The following PCDH15 variants were observed in gnomAD, a reference collection of about 807,000 sequenced individuals.
The protein encoded by PCDH15 is protocadherin related 15, also known as protocadherin-15.
In PCDH15, 129 loss-of-function variants were observed where a neutral mutation model predicts 178.5. That is an observed-to-expected ratio of 0.72 (90% CI 0.63 to 0.84). PCDH15 has a LOEUF of 0.84. Ranked by LOEUF, PCDH15 falls within the 40% of genes least tolerant of loss-of-function variation. The probability of loss-of-function intolerance (pLI) is 0.00; values close to 1 mark genes in which losing one functional copy is unlikely to be tolerated. For synonymous variants in PCDH15, 800 were observed against 732.0 expected, an observed-to-expected ratio of 1.09 and a Z score of -1.50; for missense variants, 2,230 against 2,099.9, an observed-to-expected ratio of 1.06 and a Z score of -1.21.
intron 2 of PCDH15, among the ~76,000 whole-genome samples, chr10:54,588,777 T>C (rs1892344): frequency 0.78 from 118,337 of 151,946 alleles, 46,519 homozygotes; most frequent in South Asian, 0.86. Context: ...TCTGACTATG[T>C]GGCCGGGGCT....
chr10:54,685,229 A>G (rs2094974842), intron 1 of PCDH15, among the ~76,000 whole-genome samples: 1 of 152,074 alleles, frequency 6.6e-6, no homozygotes, highest in East Asian at 1.9e-4. Flanking sequence ...TTCTTCTGGA[A>G]TATCTCTTGA....
chr10:54,041,502 C>A (rs1366320509), intron 18 of PCDH15, among the ~76,000 whole-genome samples: 1 of 151,858 alleles, frequency 6.6e-6, no homozygotes, highest in African/African-American at 2.4e-5. Context: ...AAAATAATTG[C>A]CTTTTAAAAA....
chr10:53,886,307 C>A (rs1416518639), intron 26 of PCDH15, among the ~76,000 whole-genome samples: 1 of 152,286 alleles, frequency 6.6e-6, no homozygotes, highest in Non-Finnish European at 1.5e-5. Flanking sequence ...CCTGTCCACT[C>A]CTGGTTACAC....
intron 21 of PCDH15, among the ~76,000 whole-genome samples, chr10:53,976,571 C>T (rs2939929): frequency 0.47 from 71,502 of 151,884 alleles, 17,056 homozygotes; most frequent in Middle Eastern, 0.64. Context: ...TACTCATCCA[C>T]AAACTACTCT....
intron 1 of PCDH15, among the ~76,000 whole-genome samples, chr10:55,210,613 C>CTTTTATTTTTTTTTTTTT (rs1840537199): frequency 2.8e-5 from 1 of 35,902 alleles, no homozygotes; most frequent in Non-Finnish European, 6.3e-5. Flanking sequence ...TTTCTTTTTT[C>CTTTTATTTTTTTTTTTTT]TTTTCTTTTT....
intron 2 of PCDH15, among the ~76,000 whole-genome samples, chr10:55,054,189 C>G (rs941189705): frequency 1.3e-5 from 2 of 152,124 alleles, no homozygotes; most frequent in African/African-American, 4.8e-5. Flanking sequence ...ACCCTCCACC[C>G]TCCAATAGAC....
At chr10:54,905,987 C>G (rs1391603507) in intron 2 of PCDH15, among the ~76,000 whole-genome samples, 1 of 151,948 alleles carries the variant, frequency 6.6e-6, no homozygotes, top group Non-Finnish European at 1.5e-5. Context: ...TAACAATGTA[C>G]AATTCAAAGG....
At chr10:54,504,058 C>T (rs1217824840) in intron 3 of PCDH15, among the ~76,000 whole-genome samples, 1 of 152,072 alleles carries the variant, frequency 6.6e-6, no homozygotes, top group Non-Finnish European at 1.5e-5. Flanking sequence ...TCTTGGACAG[C>T]TCACATATTC....
intron 2 of PCDH15, among the ~76,000 whole-genome samples, chr10:55,492,576 T>A (rs1198560492): frequency 1.3e-5 from 2 of 151,732 alleles, no homozygotes; most frequent in Non-Finnish European, 2.9e-5. Context: ...ACAGTAACCC[T>A]CTGGATCAGT....
At chr10:55,016,770 G>A (rs954442832) in intron 2 of PCDH15, among the ~76,000 whole-genome samples, 1 of 151,988 alleles carries the variant, frequency 6.6e-6, no homozygotes, top group African/African-American at 2.4e-5. Context: ...CCTAGCAGTG[G>A]GATTGCTGGA....
intron 2 of PCDH15, among the ~76,000 whole-genome samples, chr10:55,579,170 C>T (rs529694022): frequency 1.3e-3 from 197 of 152,112 alleles, no homozygotes; most frequent in African/African-American, 4.6e-3. Context: ...TTTAGAATTT[C>T]AAAAGAAACA....
At chr10:55,152,953 AAT>A (rs1491494044) in intron 2 of PCDH15, among the ~76,000 whole-genome samples, 9 of 148,056 alleles carry the variant, frequency 6.1e-5, no homozygotes, top group Non-Finnish European at 1.2e-4. Context: ...CACCACCATG[AAT>A]TTTTTTTTTA....
At chr10:55,067,501 T>TC (rs1841596407) in intron 2 of PCDH15, among the ~76,000 whole-genome samples, 1 of 152,130 alleles carries the variant, frequency 6.6e-6, no homozygotes, top group Non-Finnish European at 1.5e-5. Flanking sequence ...TTAGGTTGAT[T>TC]CCATATCTTT....
intron 5 of PCDH15, among the ~76,000 whole-genome samples, chr10:54,366,809 C>A (rs1027974571): frequency 6.6e-6 from 1 of 151,164 alleles, no homozygotes; most frequent in Non-Finnish European, 1.5e-5. Context: ...ATTATCAAAC[C>A]ATAGAAGATA....
intron 8 of PCDH15, among the ~76,000 whole-genome samples, chr10:54,242,144 A>T (rs1337209088): frequency 3.3e-4 from 17 of 51,622 alleles, no homozygotes; most frequent in African/African-American, 1.8e-3. Flanking sequence ...ATATATATAT[A>T]TATATATATA....
chr10:54,038,046 T>A (rs566420035), intron 18 of PCDH15, among the ~76,000 whole-genome samples: 1 of 151,952 alleles, frequency 6.6e-6, no homozygotes, highest in East Asian at 2.0e-4. Flanking sequence ...AATGTTCACA[T>A]AGAAGGAATA....
chr10:54,871,481 T>C (rs1954040007), intron 3 of PCDH15, among the ~76,000 whole-genome samples: 1 of 147,936 alleles, frequency 6.8e-6, no homozygotes, highest in Non-Finnish European at 1.5e-5. Flanking sequence ...CCAAAAAGAA[T>C]GGAATCTTAT....
intron 12 of PCDH15, among the ~76,000 whole-genome samples, chr10:54,184,263 T>G (rs2048278461): frequency 6.6e-6 from 1 of 152,174 alleles, no homozygotes. Flanking sequence ...CTGGAAGTTC[T>G]GATCTTTTTC....
At chr10:54,820,739 A>G (rs1404326155) in intron 3 of PCDH15, among the ~76,000 whole-genome samples, 16 of 151,990 alleles carry the variant, frequency 1.1e-4, no homozygotes, top group Admixed American at 1.1e-3. Flanking sequence ...AGTAACTTAC[A>G]CTATTTTAAG....
Sources: gnomAD v4.1 joint callset for allele counts (sites outside exome capture counted in the v4.1 genomes callset) on GRCh38, gnomAD v4.1.1 for gene constraint, MANE v1.5 for transcripts, NCBI Gene and HGNC (gene_info 2026-07-23, HGNC 2026-07-21) for gene names.